PTPRD: variants seen among roughly 807,000 people sequenced by gnomAD.
The protein encoded by PTPRD is receptor-type tyrosine-protein phosphatase delta.
PTPRD carries 34 observed loss-of-function variants against 214.5 expected under a neutral mutation model. That is an observed-to-expected ratio of 0.16 (90% CI 0.12 to 0.21). PTPRD has a LOEUF of 0.21. Among genes scored for constraint, PTPRD ranks in the 10% least tolerant of loss-of-function variants. The pLI, the probability that PTPRD is intolerant of heterozygous loss-of-function variation, is 1.00. For missense variants in PTPRD, 2,545 were observed against 2,398.7 expected (o/e 1.06, Z -1.27); for synonymous variants, 1,128 against 845.7 (o/e 1.33, Z -5.79).
At chr9:9,945,512 A>G (rs1369762966) in intron 4 of PTPRD, among the ~76,000 whole-genome samples, 1 of 152,158 alleles carries the variant, frequency 6.6e-6, no homozygotes, top group Non-Finnish European at 1.5e-5. Context: ...CCAGAAGCCA[A>G]CCAAAAACAG....
At chr9:10,536,680 T>A (rs2135045723) in intron 2 of PTPRD, among the ~76,000 whole-genome samples, 1 of 152,224 alleles carries the variant, frequency 6.6e-6, no homozygotes, top group Admixed American at 6.6e-5. Flanking sequence ...CTGTTCCTGG[T>A]TAACACAGAA....
chr9:9,618,641 A>G (rs1434459759), intron 7 of PTPRD, among the ~76,000 whole-genome samples: 1 of 152,188 alleles, frequency 6.6e-6, no homozygotes, highest in African/African-American at 2.4e-5. Flanking sequence ...GAAAGTAGTA[A>G]GATAATACAT....
intron 5 of PTPRD, among the ~76,000 whole-genome samples, chr9:9,927,439 G>A (rs117315265): frequency 1.3e-5 from 2 of 152,062 alleles, no homozygotes; most frequent in East Asian, 3.9e-4. Context: ...GCCATTCCCA[G>A]CCCACACATC....
chr9:10,116,829 G>T (rs931015429), intron 3 of PTPRD, among the ~76,000 whole-genome samples: 3 of 151,940 alleles, frequency 2.0e-5, no homozygotes, highest in African/African-American at 7.3e-5. Flanking sequence ...AACATATTAA[G>T]CATACCCCCA....
chr9:10,033,511 A>G (rs541908234), intron 4 of PTPRD, among the ~76,000 whole-genome samples: 21 of 152,122 alleles, frequency 1.4e-4, no homozygotes, highest in Non-Finnish European at 1.8e-4. Context: ...TTTTATATCT[A>G]TAAGTTTTAA....
At chr9:9,960,181 A>T (rs1223370950) in intron 4 of PTPRD, among the ~76,000 whole-genome samples, 2 of 151,786 alleles carry the variant, frequency 1.3e-5, no homozygotes, top group African/African-American at 2.4e-5. Flanking sequence ...AAAAATTTTA[A>T]AAATGAAAAA....
chr9:9,230,279 T>C (rs779847142), intron 9 of PTPRD, among the ~76,000 whole-genome samples: 1 of 152,056 alleles, frequency 6.6e-6, no homozygotes, highest in African/African-American at 2.4e-5. Flanking sequence ...GGAGAAAAGA[T>C]TAGGCTAACT....
chr9:9,924,652 A>G (rs1334585648), intron 5 of PTPRD, among the ~76,000 whole-genome samples: 1 of 152,118 alleles, frequency 6.6e-6, no homozygotes, highest in Non-Finnish European at 1.5e-5. Context: ...TACATGTAAC[A>G]TGCTTTTGAA....
At chr9:9,641,709 C>A (rs1465331773) in intron 7 of PTPRD, among the ~76,000 whole-genome samples, 2 of 152,114 alleles carry the variant, frequency 1.3e-5, no homozygotes, top group East Asian at 3.8e-4. Flanking sequence ...TAACAGGATC[C>A]ATTTAGGATT....
chr9:9,887,888 G>A (rs922130929), intron 5 of PTPRD, among the ~76,000 whole-genome samples: 17 of 152,046 alleles, frequency 1.1e-4, no homozygotes, highest in African/African-American at 3.6e-4. Context: ...AGACAAATGT[G>A]TCCCAGTAAA....
intron 9 of PTPRD, among the ~76,000 whole-genome samples, chr9:9,287,140 G>A (rs929300291): frequency 2.0e-5 from 3 of 150,956 alleles, no homozygotes; most frequent in South Asian, 4.2e-4. Flanking sequence ...CAGGAGAATC[G>A]CTTGAACCTT....
intron 2 of PTPRD, among the ~76,000 whole-genome samples, chr9:10,571,116 C>A (rs2067301870): frequency 6.6e-6 from 1 of 151,984 alleles, no homozygotes; most frequent in Non-Finnish European, 1.5e-5. Flanking sequence ...ATATGACATG[C>A]AGCATATTTT....
intron 12 of PTPRD, among the ~76,000 whole-genome samples, chr9:8,730,466 G>A (rs2098644757): frequency 6.6e-6 from 1 of 152,062 alleles, no homozygotes; most frequent in African/African-American, 2.4e-5. Context: ...CTATTTCTGA[G>A]ATCAGGTAAA....
chr9:9,637,971 C>T (rs1028792732), intron 7 of PTPRD, among the ~76,000 whole-genome samples: 1 of 152,158 alleles, frequency 6.6e-6, no homozygotes, highest in Non-Finnish European at 1.5e-5. Context: ...ACAGCTCATG[C>T]CTTAGGTCCC....
At chr9:8,854,226 C>T (rs1223457903) in intron 11 of PTPRD, among the ~76,000 whole-genome samples, 1 of 152,144 alleles carries the variant, frequency 6.6e-6, no homozygotes, top group Admixed American at 6.5e-5. Flanking sequence ...AAGTCTGATG[C>T]TCCTAGGATC....
chr9:9,831,472 C>G (rs1239465508), intron 5 of PTPRD, among the ~76,000 whole-genome samples: 3 of 151,936 alleles, frequency 2.0e-5, no homozygotes, highest in African/African-American at 7.2e-5. Flanking sequence ...CCCCAATCAT[C>G]TAAAGTTTCT....
intron 3 of PTPRD, among the ~76,000 whole-genome samples, chr9:10,205,889 A>T (rs554185064): frequency 7.2e-5 from 11 of 152,146 alleles, no homozygotes; most frequent in Non-Finnish European, 1.6e-4. Flanking sequence ...TATTGCAAAG[A>T]TGTTGATTGA....
At chr9:10,273,749 T>A (rs2094536762) in intron 3 of PTPRD, among the ~76,000 whole-genome samples, 1 of 152,088 alleles carries the variant, frequency 6.6e-6, no homozygotes, top group African/African-American at 2.4e-5. Context: ...GTTTGTATAA[T>A]CAGTATTAAA....
intron 7 of PTPRD, among the ~76,000 whole-genome samples, chr9:9,577,994 C>T (rs1451831289): frequency 2.4e-5 from 3 of 124,580 alleles, no homozygotes; most frequent in Non-Finnish European, 4.7e-5. Context: ...TGCAGTGAGC[C>T]GAGATTGTAC....
Sources: allele counts gnomAD v4.1 joint callset (sites outside exome capture counted in the v4.1 genomes callset), GRCh38; gene constraint gnomAD v4.1.1; transcripts MANE v1.5; gene names NCBI Gene and HGNC (gene_info 2026-07-23, HGNC 2026-07-21).